The following BLTP2 variants were observed in gnomAD, a reference collection of about 807,000 sequenced individuals.
The protein encoded by BLTP2 is bridge-like lipid transfer protein family member 2.
the BLTP2 span, among the ~76,000 whole-genome samples, chr17:28,629,419 A>G: frequency 6.6e-6 from 1 of 151,630 alleles, no homozygotes; most frequent in Non-Finnish European, 1.5e-5. Context: ...GTCTCCAAGT[A>G]CCTGGGGATT....
chr17:28,643,178 T>G, the BLTP2 span: 1 of 1,614,188 alleles, frequency 6.2e-7, no homozygotes, highest in Non-Finnish European at 8.5e-7. Context: ...CAGAAGATCT[T>G]CAATAAGGAT....
chr17:28,631,666 C>G, the BLTP2 span: 5 of 1,614,036 alleles, frequency 3.1e-6, no homozygotes, highest in Non-Finnish European at 4.2e-6. Flanking sequence ...GATAAGGCGC[C>G]GCATCACTGT....
At chr17:28,617,328 C>T in the BLTP2 span, 1 of 1,606,172 alleles carries the variant, frequency 6.2e-7, no homozygotes, top group East Asian at 2.2e-5. Flanking sequence ...CCTATAAAGA[C>T]AGATTTTGCC....
chr17:28,616,278 T>A, the BLTP2 span: 1 of 1,599,534 alleles, frequency 6.3e-7, no homozygotes, highest in Non-Finnish European at 8.6e-7. This position sits in a 1 kb window ranked among gnomAD's most constrained non-coding sequence, Gnocchi z 4.8. Flanking sequence ...TCTTCTTTTA[T>A]CCCTAGAATG....
the BLTP2 span, chr17:28,634,714 G>C: frequency 6.2e-7 from 1 of 1,614,102 alleles, no homozygotes; most frequent in Non-Finnish European, 8.5e-7. Flanking sequence ...CCGGCGCATG[G>C]GTGTGTTGCC....
the BLTP2 span, chr17:28,620,099 T>TG: frequency 3.0e-4 from 380 of 1,250,142 alleles, 1 homozygote; most frequent in Middle Eastern, 1.0e-3. Flanking sequence ...GAGAAAGAAA[T>TG]GGGGGGGGTC....
the BLTP2 span, among the ~76,000 whole-genome samples, chr17:28,630,616 A>G: frequency 6.6e-6 from 1 of 151,836 alleles, no homozygotes; most frequent in African/African-American, 2.4e-5. Flanking sequence ...AAGTAGCTGG[A>G]ACTACGGTCA....
chr17:28,643,809 T>C, the BLTP2 span: 1 of 902,746 alleles, frequency 1.1e-6, no homozygotes, highest in Non-Finnish European at 1.7e-6. Context: ...AGTAAAATCT[T>C]CGATTTCCTG....
chr17:28,640,364 G>T, the BLTP2 span: 1 of 579,490 alleles, frequency 1.7e-6, no homozygotes, highest in Non-Finnish European at 2.9e-6. Flanking sequence ...CTGAACTCCA[G>T]CCTGGGCAAC....
chr17:28,621,662 T>C, the BLTP2 span, among the ~76,000 whole-genome samples: 1 of 152,176 alleles, frequency 6.6e-6, no homozygotes, highest in South Asian at 2.1e-4. Flanking sequence ...GACATACTTG[T>C]CTCATTCTCT....
chr17:28,618,609 G>A, the BLTP2 span: 1 of 518,856 alleles, frequency 1.9e-6, no homozygotes, highest in Non-Finnish European at 3.4e-6. Flanking sequence ...ATTATAAACA[G>A]ATATATCTAA....
At chr17:28,632,181 G>C in the BLTP2 span, 1 of 1,614,102 alleles carries the variant, frequency 6.2e-7, no homozygotes. Flanking sequence ...AAGTTGCCCA[G>C]AAGTTTTGCA....
chr17:28,619,080 TTC>T, the BLTP2 span: 1 of 814,392 alleles, frequency 1.2e-6, no homozygotes, highest in Non-Finnish European at 1.9e-6. Flanking sequence ...AATTAACCTA[TTC>T]TGGGTTAGCC....
the BLTP2 span, chr17:28,635,672 G>C: frequency 6.6e-7 from 1 of 1,504,166 alleles, no homozygotes; most frequent in African/African-American, 1.4e-5. Flanking sequence ...GAGATGGCAA[G>C]GATTATGACA....
At chr17:28,628,636 TG>T in the BLTP2 span, 1 of 1,286,772 alleles carries the variant, frequency 7.8e-7, no homozygotes, top group Non-Finnish European at 1.1e-6. Flanking sequence ...AAAAGTTTGT[TG>T]AATAAGAAAC....
the BLTP2 span, among the ~76,000 whole-genome samples, chr17:28,623,545 TGAGA>T: frequency 2.2e-3 from 331 of 150,698 alleles, 1 homozygote; most frequent in Middle Eastern, 0.014. Flanking sequence ...TTCTGAGAAA[TGAGA>T]GTTTCTTTTG....
At chr17:28,635,768 A>G in the BLTP2 span, 1 of 693,996 alleles carries the variant, frequency 1.4e-6, no homozygotes, top group South Asian at 2.0e-5. Context: ...TGTTCCTGTT[A>G]GCACTAATGT....
chr17:28,634,838 C>T, the BLTP2 span: 16 of 1,613,824 alleles, frequency 9.9e-6, no homozygotes, highest in Middle Eastern at 1.6e-4. Flanking sequence ...TTCCGAAGGG[C>T]GGCCACTTTA....
the BLTP2 span, chr17:28,635,024 T>C: frequency 6.2e-7 from 1 of 1,611,636 alleles, no homozygotes; most frequent in South Asian, 1.1e-5. Flanking sequence ...CAAGCACGAG[T>C]CCCTTGATGT....
Sources: gnomAD v4.1 joint callset for allele counts (sites outside exome capture counted in the v4.1 genomes callset) on GRCh38, gnomAD v4.1.1 for gene constraint, Gnocchi (gnomAD v3.1) non-coding constraint, MANE v1.5 for transcripts, NCBI Gene and HGNC (gene_info 2026-07-23, HGNC 2026-07-21) for gene names.